Variants in AGPS observed in about 807,000 individuals in gnomAD.
AGPS encodes alkylglycerone phosphate synthase.
In AGPS, 26 loss-of-function variants were observed where a neutral mutation model predicts 90.7. The observed-to-expected ratio is 0.29, with a 90% CI of 0.21 to 0.40. The LOEUF (loss-of-function observed/expected upper bound fraction) is 0.40, where lower values mean the gene tolerates loss of function less well. Among genes scored for constraint, AGPS ranks in the 10% least tolerant of loss-of-function variants. The pLI, the probability that AGPS is intolerant of heterozygous loss-of-function variation, is 1.00. For synonymous variants in AGPS, 294 were observed against 285.3 expected (o/e 1.03, Z -0.31); for missense variants, 540 against 816.1 (o/e 0.66, Z 4.12).
At chr2:177,521,441 A>G in intron 18 of AGPS, 73 bp downstream of exon 18, 1 of 1,255,516 alleles carries the variant, frequency 8.0e-7, no homozygotes, top group Non-Finnish European at 1.2e-6. Context: ...TCAATTTATG[A>G]ATTTTAAGTT....
chr2:177,447,995 A>G (rs534704797), intron 8 of AGPS, among the ~76,000 whole-genome samples: 7 of 152,292 alleles, frequency 4.6e-5, no homozygotes, highest in African/African-American at 9.6e-5. Context: ...TAACATGTCA[A>G]TTATGGATTT....
chr2:177,473,577 A>G (rs1223931015), intron 10 of AGPS, among the ~76,000 whole-genome samples: 1 of 152,222 alleles, frequency 6.6e-6, no homozygotes, highest in Non-Finnish European at 1.5e-5. Flanking sequence ...TACTGGCATA[A>G]CATACATATA....
intron 19 of AGPS, among the ~76,000 whole-genome samples, chr2:177,533,769 G>A (rs2079159911): frequency 1.3e-5 from 2 of 152,086 alleles, no homozygotes; most frequent in South Asian, 4.1e-4. Context: ...GCAGTAGTTT[G>A]GTCAGATTAA....
chr2:177,490,616 A>G (rs1178394556), intron 11 of AGPS, among the ~76,000 whole-genome samples: 1 of 152,122 alleles, frequency 6.6e-6, no homozygotes, highest in Non-Finnish European at 1.5e-5. Flanking sequence ...TAAAAATCAC[A>G]CTCAATATAA....
chr2:177,450,308 A>C (rs938020459), intron 8 of AGPS, among the ~76,000 whole-genome samples: 2 of 151,926 alleles, frequency 1.3e-5, no homozygotes, highest in African/African-American at 4.8e-5. Context: ...GCTGTGTTTA[A>C]TTTTTATGAA....
chr2:177,436,970 C>G lies in AGPS; in HGVS notation c.563-10C>G. 6.2e-7 allele frequency: 1 copy of G among 1,612,384 alleles called. No homozygotes were observed. The highest frequency in any genetic ancestry group is 1.7e-5 in the Admixed American group (1 of 59,954). On this transcript the variant is annotated splice_polypyrimidine_tract_variant and intron_variant, in intron 4 of 19. Transcript: ENST00000264167. ...TTTTTGTGTTTTTCTTTTTTTTAAC[C>G]ACAAAACAGGTCATTGTCTTCATGA...
chr2:177,431,511 G>A (rs942559190), intron 2 of AGPS, among the ~76,000 whole-genome samples: 1 of 152,172 alleles, frequency 6.6e-6, no homozygotes. Context: ...AGAGGGTAAT[G>A]CAGGAGAACA....
chr2:177,522,750 A>T (rs1005930609), intron 18 of AGPS, among the ~76,000 whole-genome samples: 1 of 152,186 alleles, frequency 6.6e-6, no homozygotes, highest in Non-Finnish European at 1.5e-5. Context: ...TACCGCACAC[A>T]GCCGAGGGTT....
At position 177,484,221 on chromosome 2, in the gene AGPS, A is replaced by G. The variant is rs1212259683; in HGVS notation, c.1233+2035A>G. On this transcript the variant is annotated intron_variant, in intron 11 of 19. Coordinates refer to ENST00000264167, the MANE Select transcript of AGPS (RefSeq NM_003659.4). ...TCCTAAGAATTTTTTAAAATGAATA[A>G]AAGGACAAGTTTTACTGATTTGTGT... Among the ~76,000 whole-genome samples, 6 of 152,132 alleles carry G rather than the reference A, an allele frequency of 3.9e-5. No homozygotes were observed. In the South Asian group the frequency reaches 1.2e-3, roughly 31 times the overall value.
intron 10 of AGPS, among the ~76,000 whole-genome samples, chr2:177,474,293 C>T (rs1687713743): frequency 1.3e-5 from 2 of 152,118 alleles, no homozygotes; most frequent in Non-Finnish European, 2.9e-5. Context: ...CAGCTAAAAT[C>T]TTGTTGTATG....
At chr2:177,461,637 G>A (rs1489250767) in intron 8 of AGPS, among the ~76,000 whole-genome samples, 1 of 152,040 alleles carries the variant, frequency 6.6e-6, no homozygotes, top group Non-Finnish European at 1.5e-5. Context: ...ATGATTATCT[G>A]GTCAACCTGT....
At chr2:177,462,411 A>AT (rs1687323952) in intron 9 of AGPS, among the ~76,000 whole-genome samples, 1 of 151,006 alleles carries the variant, frequency 6.6e-6, no homozygotes, top group Non-Finnish European at 1.5e-5. Flanking sequence ...AAAAAGAAAA[A>AT]AGAAAAAGAG....
chr2:177,473,891 C>T (rs147026515), intron 10 of AGPS, among the ~76,000 whole-genome samples: 30 of 152,268 alleles, frequency 2.0e-4, no homozygotes, highest in South Asian at 4.1e-4. Flanking sequence ...TGCAATGCCT[C>T]GTTTTATACT....
intron 3 of AGPS, among the ~76,000 whole-genome samples, chr2:177,435,024 T>TATAC: frequency 6.8e-6 from 1 of 147,042 alleles, no homozygotes; most frequent in Non-Finnish European, 1.5e-5. Flanking sequence ...TATATATATA[T>TATAC]GTATGAAACT....
chr2:177,493,124 C>CTTTTTT, intron 11 of AGPS, 24 bp from the exon 12 acceptor site: 3 of 1,466,960 alleles, frequency 2.0e-6, no homozygotes, highest in African/African-American at 1.4e-5. Context: ...ATTTGTATCA[C>CTTTTTT]TTTTTTTTTT....
chr2:177,425,392 G>A (rs1286355025), intron 2 of AGPS, among the ~76,000 whole-genome samples: 2 of 151,960 alleles, frequency 1.3e-5, no homozygotes, highest in African/African-American at 2.4e-5. Flanking sequence ...AGGCTGAGGC[G>A]GGTGGATCAC....
chr2:177,464,089 G>T (rs1040636966), intron 9 of AGPS, among the ~76,000 whole-genome samples: 20 of 152,076 alleles, frequency 1.3e-4, no homozygotes, highest in African/African-American at 4.6e-4. Context: ...TTACAGGCAT[G>T]CACCACCATG....
intron 8 of AGPS, among the ~76,000 whole-genome samples, chr2:177,457,623 T>C (rs1687159226): frequency 6.6e-6 from 1 of 151,950 alleles, no homozygotes; most frequent in African/African-American, 2.4e-5. Context: ...CCCTCCCAAG[T>C]CTAAGCCAGG....
intron 2 of AGPS, among the ~76,000 whole-genome samples, chr2:177,428,859 C>A (rs1420683437): frequency 6.6e-6 from 1 of 152,026 alleles, no homozygotes; most frequent in African/African-American, 2.4e-5. Flanking sequence ...GAATGTTGGC[C>A]TGTCTTGCTA....
Sources: gnomAD v4.1 joint callset for allele counts (sites outside exome capture counted in the v4.1 genomes callset) on GRCh38, gnomAD v4.1.1 for gene constraint, MANE v1.5 for transcripts, NCBI Gene and HGNC (gene_info 2026-07-23, HGNC 2026-07-21) for gene names.